Variants in KCNN2 observed in about 807,000 individuals in gnomAD.
KCNN2 encodes potassium calcium-activated channel subfamily N member 2.
A neutral mutation model predicts 55.5 loss-of-function variants in KCNN2; 24 were observed. The observed-to-expected ratio is 0.43, with a 90% CI of 0.31 to 0.61. The LOEUF (loss-of-function observed/expected upper bound fraction) is 0.61. KCNN2 is among the 20% of genes least tolerant of loss of function. The pLI is 0.08. For missense variants in KCNN2, 754 were observed against 853.6 expected, an observed-to-expected ratio of 0.88 and a Z score of 1.45; for synonymous variants, 431 against 336.1, an observed-to-expected ratio of 1.28 and a Z score of -3.09.
At chr5:114,241,820 GTGTGTATATATATA>G (rs1754646418) in intron 2 of KCNN2, among the ~76,000 whole-genome samples, 1 of 5,618 alleles carries the variant, frequency 1.8e-4, no homozygotes, top group African/African-American at 2.9e-4. Context: ...ATATATATAT[GTGTGTATATATATA>G]TATATATATA....
intron 2 of KCNN2, among the ~76,000 whole-genome samples, chr5:114,351,749 TTTGTATTACACTAATTAA>T (rs1314412970): frequency 6.6e-6 from 1 of 151,784 alleles, no homozygotes; most frequent in Non-Finnish European, 1.5e-5. Flanking sequence ...GTATTGATAG[TTTGTATTACACTAATTAA>T]TTTTATAACA....
At chr5:114,073,763 T>C (rs935732185) in intron 1 of KCNN2, among the ~76,000 whole-genome samples, 4 of 152,228 alleles carry the variant, frequency 2.6e-5, no homozygotes, top group Non-Finnish European at 5.9e-5. Flanking sequence ...CCACAGCAGA[T>C]GTTCAATAAT....
At chr5:114,482,396 G>A (rs776359048) in intron 5 of KCNN2, among the ~76,000 whole-genome samples, 19 of 152,120 alleles carry the variant, frequency 1.2e-4, no homozygotes, top group East Asian at 3.9e-4. Context: ...GCCAGGTTGC[G>A]GAGAAAGAGG....
intron 2 of KCNN2, among the ~76,000 whole-genome samples, chr5:114,291,579 C>G (rs193301762): frequency 6.6e-6 from 1 of 152,242 alleles, no homozygotes; most frequent in African/African-American, 2.4e-5. Context: ...TTTCCTAATC[C>G]AGTCTATCAT....
chr5:114,304,070 G>A (rs184788827), intron 2 of KCNN2, among the ~76,000 whole-genome samples: 137 of 152,290 alleles, frequency 9.0e-4, no homozygotes, highest in South Asian at 3.5e-3. Flanking sequence ...GGAAAGTGTA[G>A]TTAGAAAATA....
At chr5:114,404,120 C>T (rs764501414) in intron 2 of KCNN2, among the ~76,000 whole-genome samples, 5 of 152,160 alleles carry the variant, frequency 3.3e-5, no homozygotes, top group Admixed American at 1.3e-4. Flanking sequence ...GAGTCCATTT[C>T]GACTTCATCT....
At chr5:114,278,418 G>T (rs1394123501) in intron 2 of KCNN2, among the ~76,000 whole-genome samples, 1 of 152,242 alleles carries the variant, frequency 6.6e-6, no homozygotes, top group Non-Finnish European at 1.5e-5. Flanking sequence ...TGGAGAAGCT[G>T]TCTGCTGTCT....
chr5:114,146,994 A>G (rs1353474206), intron 1 of KCNN2, among the ~76,000 whole-genome samples: 1 of 152,210 alleles, frequency 6.6e-6, no homozygotes, highest in South Asian at 2.1e-4. Context: ...TGCCTTAGTG[A>G]CAAGCACTAT....
At chr5:114,178,347 G>T (rs1409139455) in intron 1 of KCNN2, among the ~76,000 whole-genome samples, 1 of 152,114 alleles carries the variant, frequency 6.6e-6, no homozygotes, top group Admixed American at 6.5e-5. Context: ...TCATCTGGTG[G>T]TAGAATGTGT....
At chr5:114,158,922 C>A (rs1485670203) in intron 1 of KCNN2, among the ~76,000 whole-genome samples, 1 of 152,160 alleles carries the variant, frequency 6.6e-6, no homozygotes, top group Non-Finnish European at 1.5e-5. Flanking sequence ...ATGGGGTTTT[C>A]TAGATATACA....
chr5:114,269,608 G>C (rs534905984), intron 2 of KCNN2, among the ~76,000 whole-genome samples: 4 of 151,580 alleles, frequency 2.6e-5, no homozygotes, highest in African/African-American at 7.3e-5. Flanking sequence ...ACTCCAACTA[G>C]TTGCAGATTA....
At chr5:114,411,929 C>T (rs1759148189) in intron 3 of KCNN2, among the ~76,000 whole-genome samples, 1 of 152,126 alleles carries the variant, frequency 6.6e-6, no homozygotes, top group Non-Finnish European at 1.5e-5. Flanking sequence ...ATATTACAGT[C>T]AAATCATGCC....
At chr5:114,436,164 C>T (rs763877360) in intron 3 of KCNN2, among the ~76,000 whole-genome samples, 1 of 152,192 alleles carries the variant, frequency 6.6e-6, no homozygotes, top group Non-Finnish European at 1.5e-5. Context: ...CCCTGCATGT[C>T]TACCAGAAAT....
rs535361127 is a variant in KCNN2, at chr5:114,351,696, TTC to T, written c.-184-9247_-184-9246del. On this transcript the variant is annotated intron_variant, in intron 2 of 10. Coordinates refer to the KCNN2 transcript ENST00000512097. ...AGTTTTGGATTTTGTCAAATATTTT[TTC>T]TGTGTCCATTGAGATGATTATATGG... Among the ~76,000 whole-genome samples the T allele has an allele frequency of 2.7e-3, 414 of 151,906 alleles. 2 individuals are homozygous for T. The highest frequency in any genetic ancestry group is 4.8e-3 in the Non-Finnish European group (325 of 67,684).
intron 1 of KCNN2, among the ~76,000 whole-genome samples, chr5:114,117,334 A>G (rs1430174617): frequency 6.6e-6 from 1 of 152,072 alleles, no homozygotes; most frequent in Non-Finnish European, 1.5e-5. Flanking sequence ...TCTCCTGCCT[A>G]ACCCACTCTG....
At chr5:114,332,327 T>G (rs1256182388) in intron 2 of KCNN2, among the ~76,000 whole-genome samples, 1 of 152,118 alleles carries the variant, frequency 6.6e-6, no homozygotes, top group Non-Finnish European at 1.5e-5. Context: ...TGAGAGACAG[T>G]TAGGAGTTTA....
intron 3 of KCNN2, among the ~76,000 whole-genome samples, chr5:114,453,713 A>G (rs1447418142): frequency 1.3e-5 from 2 of 151,872 alleles, no homozygotes; most frequent in East Asian, 3.9e-4. Context: ...TTTCTGGGAA[A>G]TTTCTGTCAA....
intron 2 of KCNN2, among the ~76,000 whole-genome samples, chr5:114,232,662 C>A (rs1754385875): frequency 6.6e-6 from 1 of 150,864 alleles, no homozygotes; most frequent in Admixed American, 6.6e-5. Flanking sequence ...AATAAATAAT[C>A]CCCATTGAAT....
At chr5:114,177,748 G>T (rs562021432) in intron 1 of KCNN2, among the ~76,000 whole-genome samples, 1 of 152,168 alleles carries the variant, frequency 6.6e-6, no homozygotes, top group African/African-American at 2.4e-5. Flanking sequence ...GTTAAAGTAT[G>T]AGGTAATTAA....
Sources: gnomAD v4.1 joint callset for allele counts (sites outside exome capture counted in the v4.1 genomes callset) on GRCh38, gnomAD v4.1.1 for gene constraint, MANE v1.5 for transcripts, NCBI Gene and HGNC (gene_info 2026-07-23, HGNC 2026-07-21) for gene names.